Variants in EXOC2 observed in about 807,000 individuals in gnomAD.
EXOC2 encodes the protein SEC5-like 1.
EXOC2 carries 70 observed loss-of-function variants against 131.8 expected under a neutral mutation model. The observed-to-expected ratio is 0.53, with a 90% CI of 0.44 to 0.65. The LOEUF is 0.65. Ranked by LOEUF, EXOC2 falls within the 30% of genes least tolerant of loss-of-function variation. The pLI is 0.00. For missense variants in EXOC2, 923 were observed against 1,108.6 expected, an observed-to-expected ratio of 0.83 and a Z score of 2.38; for synonymous variants, 411 against 398.4, an observed-to-expected ratio of 1.03 and a Z score of -0.38.
chr6:493,027 G>C (rs1262656883), intron 25 of EXOC2, among the ~76,000 whole-genome samples: 1 of 152,220 alleles, frequency 6.6e-6, no homozygotes, highest in Non-Finnish European at 1.5e-5. Flanking sequence ...CACTGACAAT[G>C]ATAACTTGAT....
intron 13 of EXOC2, among the ~76,000 whole-genome samples, chr6:566,168 G>A (rs542728146): frequency 6.6e-6 from 1 of 152,332 alleles, no homozygotes; most frequent in East Asian, 1.9e-4. Context: ...GCTAGCTCCT[G>A]AGTTCACTGG....
At chr6:570,042 C>T (rs541740842) in intron 13 of EXOC2, among the ~76,000 whole-genome samples, 1 of 152,204 alleles carries the variant, frequency 6.6e-6, no homozygotes, top group South Asian at 2.1e-4. Context: ...TGTGGTGGGC[C>T]ACTTGTAGGA....
At chr6:658,592 A>C (rs1046862622) in intron 1 of EXOC2, among the ~76,000 whole-genome samples, 3 of 148,866 alleles carry the variant, frequency 2.0e-5, no homozygotes, top group Non-Finnish European at 4.5e-5. Flanking sequence ...TGAATGTATG[A>C]AATGTATAAA....
At chr6:515,994 G>A (rs530088561) in intron 23 of EXOC2, among the ~76,000 whole-genome samples, 1 of 152,298 alleles carries the variant, frequency 6.6e-6, no homozygotes, top group South Asian at 2.1e-4. Flanking sequence ...ATAACATTTG[G>A]AAATCATTGG....
At chr6:510,193 T>C (rs897212572) in intron 23 of EXOC2, among the ~76,000 whole-genome samples, 1 of 152,224 alleles carries the variant, frequency 6.6e-6, no homozygotes, top group Non-Finnish European at 1.5e-5. Flanking sequence ...TCAGCTCTTG[T>C]TGGACTAACT....
At chr6:502,374 A>C (rs909560458) in intron 23 of EXOC2, among the ~76,000 whole-genome samples, 2 of 152,166 alleles carry the variant, frequency 1.3e-5, no homozygotes, top group Non-Finnish European at 2.9e-5. Flanking sequence ...TCCTCAATGT[A>C]AAAGAAAAGA....
chr6:659,500 G>A (rs1763314138), intron 1 of EXOC2, among the ~76,000 whole-genome samples: 1 of 152,212 alleles, frequency 6.6e-6, no homozygotes, highest in African/African-American at 2.4e-5. Flanking sequence ...GAAGTAAACT[G>A]CTCTTGCAGG....
intron 23 of EXOC2, among the ~76,000 whole-genome samples, chr6:516,399 C>T (rs1765168912): frequency 6.6e-6 from 1 of 152,324 alleles, no homozygotes; most frequent in South Asian, 2.1e-4. Flanking sequence ...ACAGAGCTAG[C>T]TCGTCTAGCT....
At chr6:628,757 C>T (rs1761704491) in intron 4 of EXOC2, among the ~76,000 whole-genome samples, 1 of 152,158 alleles carries the variant, frequency 6.6e-6, no homozygotes, top group Non-Finnish European at 1.5e-5. Context: ...CTATCAACTG[C>T]AAGTCTATTC....
At chr6:687,884 G>C (rs1764736573) in intron 1 of EXOC2, among the ~76,000 whole-genome samples, 2 of 152,228 alleles carry the variant, frequency 1.3e-5, no homozygotes, top group South Asian at 4.1e-4. Context: ...AATCAAGGGA[G>C]GATTCTAGTT....
At chr6:600,911 C>T (rs536027521) in intron 7 of EXOC2, among the ~76,000 whole-genome samples, 10 of 152,226 alleles carry the variant, frequency 6.6e-5, no homozygotes, top group African/African-American at 2.4e-4. Context: ...CTGTAAATTA[C>T]TGTTCTGCTG....
In EXOC2 at chr6:631,501, G is replaced by A. The variant is rs535520421; in HGVS notation, c.295+1440C>T. ...TGCAGTAAGCCAAGATTGAGATCGC[G>A]CCATTGCACTCCAGCATGGGCGACA... On this transcript the variant is annotated intron_variant, in intron 3 of 27. Transcript: ENST00000230449. 2.6e-5 allele frequency among the ~76,000 whole-genome samples: 4 copies of A among 151,678 alleles called. 1 individual carries two copies. The East Asian group carries it at 5.8e-4, about 22-fold the overall frequency.
At chr6:596,279 C>A (rs1343340669) in intron 10 of EXOC2, among the ~76,000 whole-genome samples, 1 of 151,824 alleles carries the variant, frequency 6.6e-6, no homozygotes, top group Non-Finnish European at 1.5e-5. Context: ...CCGCCGTACG[C>A]CTCATCACTA....
Position 648,897 on chromosome 6 carries a change from A to G in EXOC2, c.-43-11036T>C, listed in dbSNP as rs536196719. The stretch of plus-strand genomic sequence containing the variant: ...CCACCATGCCTGCCTAATTTTTGTT[A>G]TATTTTTTTTTTAATAGAGACAGGG... On this transcript the variant is annotated intron_variant, in intron 1 of 27. Transcript: ENST00000230449. 3.8e-4 allele frequency among the ~76,000 whole-genome samples: 58 copies of G among 150,832 alleles called. 1 individual carries two copies. In the South Asian group the frequency reaches 0.012, roughly 31 times the overall value.
At chr6:487,846 C>CACAGCAAATCTAAAATATAGTCCTGA (rs1763167972) in intron 27 of EXOC2, among the ~76,000 whole-genome samples, 2 of 152,264 alleles carry the variant, frequency 1.3e-5, no homozygotes, top group South Asian at 4.1e-4. Flanking sequence ...ATGCTATCCC[C>CACAGCAAATCTAAAATATAGTCCTGA]ACAGCAAATC....
intron 1 of EXOC2, chr6:656,904 T>A: frequency 6.4e-7 from 1 of 1,564,474 alleles, no homozygotes; most frequent in Non-Finnish European, 8.7e-7. Flanking sequence ...AATGAACAGC[T>A]CTAGACAGCC....
rs535168530 is a variant in EXOC2 at position 485,847 on chromosome 6, G to C, written c.*824C>G. ...GAGTTGGCCGTCCACGCGGAGCCTGGCCTTTCCGTTAGGGGACCCTGAAGT... is the reference window on the plus strand; with the variant it reads ...GAGTTGGCCGTCCACGCGGAGCCTGCCCTTTCCGTTAGGGGACCCTGAAGT... On this transcript the variant is annotated 3_prime_UTR_variant, in exon 28 of 28. Coordinates refer to ENST00000230449, the MANE Select transcript of EXOC2 (RefSeq NM_018303.6). The C allele has an allele frequency of 6.6e-6, 1 of 152,412 alleles. No homozygotes were observed. Among genetic ancestry groups the C allele is most frequent in the Non-Finnish European group, 1.5e-5 (1 of 68,098 alleles). The allele number at this position is 152,412 out of a possible 1,614,324, so 9.4% of individuals were successfully genotyped here. A position where few individuals can be genotyped will look rare whatever the true frequency, so the allele number is the denominator to read the frequency against.
chr6:544,549 A>G (rs1322461613), intron 22 of EXOC2, among the ~76,000 whole-genome samples: 2 of 152,220 alleles, frequency 1.3e-5, no homozygotes, highest in East Asian at 3.8e-4. Context: ...AATTTAGCTG[A>G]TTTTGTTTAT....
chr6:562,763 T>C (rs760061274), intron 17 of EXOC2, 21 bp downstream of exon 17: 5 of 1,542,124 alleles, frequency 3.2e-6, no homozygotes, highest in Admixed American at 3.9e-5. Flanking sequence ...TGACTAATAA[T>C]TGAAAAGAAC....
Sources: allele counts gnomAD v4.1 joint callset (sites outside exome capture counted in the v4.1 genomes callset), GRCh38; gene constraint gnomAD v4.1.1; transcripts MANE v1.5; gene names NCBI Gene and HGNC (gene_info 2026-07-23, HGNC 2026-07-21).